Variants in C9orf85 observed in about 807,000 individuals in gnomAD.
C9orf85 encodes chromosome 9 open reading frame 85, also known as uncharacterized protein C9orf85.
In C9orf85, 16 loss-of-function variants were observed where a neutral mutation model predicts 14.9. The ratio of observed to expected loss-of-function variants is 1.08; its 90% CI spans 0.73 to 1.63. The LOEUF is 1.63. Among genes scored for constraint, C9orf85 ranks in the 40% most tolerant of loss-of-function variants. The pLI, the probability that C9orf85 is intolerant of heterozygous loss-of-function variation, is 0.00. For missense variants in C9orf85, 172 were observed against 186.1 expected, an observed-to-expected ratio of 0.92 and a Z score of 0.44; for synonymous variants, 45 against 56.8, an observed-to-expected ratio of 0.79 and a Z score of 0.93.
chr9:71,983,057 A>G (rs10746899), exon 4 of C9orf85: 150,640 of 151,676 alleles, frequency 0.99, 74,826 homozygotes, highest in Middle Eastern at 1. Context: ...GTGCAGTGGC[A>G]CCATTTCAGC....
downstream of C9orf85, among the ~76,000 whole-genome samples, chr9:71,974,249 CT>C (rs35308335): frequency 1.0e-3 from 143 of 139,688 alleles, no homozygotes; most frequent in African/African-American, 3.5e-3. Context: ...TTTTATTTTA[CT>C]TTTTTTTTTT....
At chr9:71,956,455 G>A (rs967355335) in intron 2 of C9orf85, among the ~76,000 whole-genome samples, 9 of 151,774 alleles carry the variant, frequency 5.9e-5, no homozygotes, top group African/African-American at 2.2e-4. Flanking sequence ...CTTCATGTTG[G>A]TCAGGCTGGT....
At chr9:71,964,150 A>G (rs1184364754) in intron 2 of C9orf85, among the ~76,000 whole-genome samples, 1 of 151,862 alleles carries the variant, frequency 6.6e-6, no homozygotes, top group Non-Finnish European at 1.5e-5. Context: ...GAACCTTTGT[A>G]TAGACACTCT....
At chr9:71,938,770 T>A (rs922041524) in intron 1 of C9orf85, among the ~76,000 whole-genome samples, 3 of 151,676 alleles carry the variant, frequency 2.0e-5, no homozygotes, top group Non-Finnish European at 4.4e-5. Context: ...AATTTACATG[T>A]TTATTAGAAG....
intron 2 of C9orf85, among the ~76,000 whole-genome samples, chr9:71,959,776 C>T (rs563193554): frequency 9.2e-5 from 14 of 152,212 alleles, no homozygotes; most frequent in East Asian, 3.9e-4. Context: ...CTATAATTCA[C>T]GTGTTGTATT....
intron 1 of C9orf85, among the ~76,000 whole-genome samples, chr9:71,921,933 T>TATC (rs1465491163): frequency 2.8e-5 from 4 of 143,004 alleles, no homozygotes; most frequent in African/African-American, 1.0e-4. Flanking sequence ...TTTTTTTTAT[T>TATC]ATTATTATTA....
intron 1 of C9orf85, among the ~76,000 whole-genome samples, chr9:71,935,947 C>T (rs578175643): frequency 1.4e-4 from 21 of 152,076 alleles, no homozygotes; most frequent in Non-Finnish European, 2.4e-4. Flanking sequence ...GTCTCACTCC[C>T]TCCGTCTTTA....
downstream of C9orf85, among the ~76,000 whole-genome samples, chr9:71,974,183 T>G (rs1181297902): frequency 6.6e-6 from 1 of 151,712 alleles, no homozygotes; most frequent in Non-Finnish European, 1.5e-5. Flanking sequence ...TGCCTCGGCC[T>G]CCCACAGTGC....
intron 1 of C9orf85, among the ~76,000 whole-genome samples, chr9:71,929,964 G>A (rs2132272526): frequency 6.7e-6 from 1 of 149,730 alleles, no homozygotes; most frequent in East Asian, 2.0e-4. Flanking sequence ...TTTCTCATCT[G>A]CAAAACGAGG....
chr9:71,978,085 A>G (rs1252193713), downstream of C9orf85, among the ~76,000 whole-genome samples: 2 of 152,222 alleles, frequency 1.3e-5, no homozygotes, highest in Non-Finnish European at 2.9e-5. Context: ...AAACATTTAT[A>G]TGTAAATCAT....
At chr9:71,941,662 A>G (rs1821932328) in intron 1 of C9orf85, 1 of 152,240 alleles carries the variant, frequency 6.6e-6, no homozygotes, top group Non-Finnish European at 1.5e-5. Context: ...AAGAGAGATA[A>G]CAGATATACA....
In C9orf85 at chr9:71,912,214, A is replaced by G. The variant is rs533357139; in HGVS notation, c.102+378A>G. 1.2e-4 allele frequency among the ~76,000 whole-genome samples: 18 copies of G among 151,598 alleles called. No individual in the cohort carries two copies. The East Asian group carries it at 3.1e-3, about 26-fold the overall frequency. On this transcript the variant is annotated intron_variant, in intron 1 of 3. Transcript: ENST00000334731. ...TTTACACCAAGTTTATGCAGCTACG[A>G]TTTTTTTTTCCAAAAACCCCAAGCC...
At chr9:71,975,608 G>A (rs769953062), downstream of C9orf85, among the ~76,000 whole-genome samples, 4 of 152,070 alleles carry the variant, frequency 2.6e-5, no homozygotes, top group South Asian at 2.1e-4. Flanking sequence ...CAAGGCGGAC[G>A]GATCACCTGA....
intron 1 of C9orf85, among the ~76,000 whole-genome samples, chr9:71,926,260 G>A (rs148832756): frequency 6.8e-4 from 104 of 152,278 alleles, no homozygotes; most frequent in African/African-American, 2.4e-3. Flanking sequence ...AAATATGCCC[G>A]ATAATTGCTA....
chr9:71,946,866 A>C (rs1822102953), intron 1 of C9orf85, 140 bp from the exon 2 acceptor site: 4 of 521,726 alleles, frequency 7.7e-6, no homozygotes, highest in Non-Finnish European at 1.3e-5. Context: ...ATACATAAAA[A>C]TACATAATAT....
intron 2 of C9orf85, among the ~76,000 whole-genome samples, chr9:71,953,454 A>G (rs1425807354): frequency 6.6e-6 from 1 of 152,214 alleles, no homozygotes; most frequent in Non-Finnish European, 1.5e-5. Flanking sequence ...GAAGGAGGAA[A>G]AAGCTAATAT....
intron 1 of C9orf85, among the ~76,000 whole-genome samples, chr9:71,944,700 A>C (rs184262602): frequency 6.6e-6 from 1 of 152,210 alleles, no homozygotes; most frequent in Admixed American, 6.5e-5. Context: ...TCTGGAATTC[A>C]CTTCTGTTTT....
intron 2 of C9orf85, among the ~76,000 whole-genome samples, chr9:71,955,371 C>T (rs181904813): frequency 2.3e-4 from 35 of 152,138 alleles, no homozygotes; most frequent in African/African-American, 7.2e-4. Flanking sequence ...AATCAGGCAC[C>T]TCCCAGAACC....
intron 2 of C9orf85, among the ~76,000 whole-genome samples, chr9:71,962,464 C>T (rs899369642): frequency 2.0e-5 from 3 of 152,146 alleles, no homozygotes; most frequent in Non-Finnish European, 2.9e-5. Context: ...AGCAATGTTG[C>T]GTTTCTGTTT....
Sources: gnomAD v4.1 joint callset for allele counts (sites outside exome capture counted in the v4.1 genomes callset) on GRCh38, gnomAD v4.1.1 for gene constraint, MANE v1.5 for transcripts, NCBI Gene and HGNC (gene_info 2026-07-23, HGNC 2026-07-21) for gene names.